The following COL24A1 variants were observed in gnomAD, a reference collection of about 807,000 sequenced individuals.
COL24A1 encodes the protein collagen alpha-1(XXIV) chain.
Under a neutral mutation model 253.9 loss-of-function variants are expected in COL24A1, and 224 were observed. The ratio of observed to expected loss-of-function variants is 0.88; its 90% CI spans 0.79 to 0.99. The LOEUF (loss-of-function observed/expected upper bound fraction) is 0.99, where lower values mean the gene tolerates loss of function less well. Among genes scored for constraint, COL24A1 ranks in the 50% least tolerant of loss-of-function variants. COL24A1 has a pLI of 0.00. For synonymous variants in COL24A1, 685 were observed against 673.7 expected, an observed-to-expected ratio of 1.02 and a Z score of -0.26; for missense variants, 2,131 against 2,068.5, an observed-to-expected ratio of 1.03 and a Z score of -0.59.
chr1:85,774,842 C>G (rs1668360963), intron 53 of COL24A1, among the ~76,000 whole-genome samples: 5 of 151,972 alleles, frequency 3.3e-5, no homozygotes, highest in Admixed American at 3.3e-4. Flanking sequence ...TCATTGATTT[C>G]TTGAAGGGTT....
chr1:85,836,729 G>T (rs1676044900), intron 43 of COL24A1, among the ~76,000 whole-genome samples: 1 of 152,128 alleles, frequency 6.6e-6, no homozygotes, highest in East Asian at 1.9e-4. Flanking sequence ...AAGGACTTAG[G>T]AAGAAATAAG....
At chr1:85,882,785 T>C (rs1039428987) in intron 32 of COL24A1, among the ~76,000 whole-genome samples, 1 of 152,190 alleles carries the variant, frequency 6.6e-6, no homozygotes, top group Non-Finnish European at 1.5e-5. Context: ...ATTTTGATGC[T>C]CCGTCGTCAG....
At chr1:86,030,627 A>C (rs1698481250) in intron 14 of COL24A1, 1 of 152,274 alleles carries the variant, frequency 6.6e-6, no homozygotes, top group South Asian at 2.1e-4. Context: ...GTGAAAAGGG[A>C]CAAATGAAGA....
At chr1:86,001,041 T>C (rs1173817915) in intron 19 of COL24A1, among the ~76,000 whole-genome samples, 3 of 152,154 alleles carry the variant, frequency 2.0e-5, no homozygotes, top group Non-Finnish European at 4.4e-5. Context: ...AAAACCAGTA[T>C]GGAAAAAATA....
chr1:85,967,789 T>C (rs1289680444), intron 22 of COL24A1, among the ~76,000 whole-genome samples: 2 of 152,180 alleles, frequency 1.3e-5, no homozygotes, highest in Non-Finnish European at 2.9e-5. Context: ...TATGAGAATC[T>C]AATGCTGCTG....
At chr1:85,737,830 T>C (rs1210003579) in intron 57 of COL24A1, among the ~76,000 whole-genome samples, 5 of 137,226 alleles carry the variant, frequency 3.6e-5, no homozygotes, top group Non-Finnish European at 6.6e-5. Context: ...TCCCAAAGTG[T>C]TGGGATTACA....
At chr1:85,796,381 C>T (rs900984160) in intron 47 of COL24A1, among the ~76,000 whole-genome samples, 1 of 152,108 alleles carries the variant, frequency 6.6e-6, no homozygotes, top group Admixed American at 6.5e-5. Context: ...TATGAAATCT[C>T]CTTTACCCAG....
intron 45 of COL24A1, among the ~76,000 whole-genome samples, chr1:85,820,979 T>G (rs1673570289): frequency 6.6e-6 from 1 of 152,246 alleles, no homozygotes; most frequent in African/African-American, 2.4e-5. Flanking sequence ...TCACTAGTTC[T>G]AACACTCTTT....
chr1:86,147,279 C>G (rs1371803692), intron 1 of COL24A1, among the ~76,000 whole-genome samples: 1 of 152,100 alleles, frequency 6.6e-6, no homozygotes, highest in African/African-American at 2.4e-5. Context: ...CTTAAGCCAG[C>G]AAATATATAA....
intron 5 of COL24A1, among the ~76,000 whole-genome samples, chr1:86,105,710 T>C (rs925480874): frequency 5.9e-5 from 9 of 152,096 alleles, no homozygotes; most frequent in African/African-American, 2.2e-4. Flanking sequence ...ACTGGCTGAG[T>C]GCTGCTCCTA....
Position 85,816,895 on chromosome 1 carries a change from C to T in COL24A1, c.3844G>A (p.Gly1282Arg). 1 of 1,606,290 alleles carries T rather than the reference C, an allele frequency of 6.2e-7. No homozygotes were observed. Among genetic ancestry groups the T allele is most frequent in the South Asian group, 1.1e-5 (1 of 90,732 alleles). ...TTTGGCCCAAGTAGGCCTTGAAGTC[C>T]CTTGATAATTAAAAATTATTTGGAT... is the stretch of plus-strand genomic sequence containing the variant. ...PGPSGKPGIP[G>R]LQGLLGPKGI... Residue 1282 changes from glycine to arginine, a missense_variant and splice_region_variant, in exon 47 of 60, where the codon GGA becomes AGA. By Grantham distance (125) the Gly-to-Arg change is moderately radical. Transcript: ENST00000370571.
At chr1:85,941,537 C>T (rs6673508) in intron 24 of COL24A1, among the ~76,000 whole-genome samples, 67,268 of 151,908 alleles carry the variant, frequency 0.44, 15,925 homozygotes, top group East Asian at 0.75. Flanking sequence ...TAAAACTCTA[C>T]GATTTTAACA....
rs191975452 is a variant in COL24A1, at chr1:86,119,456, G to T, written c.1492-4078C>A. On this transcript the variant is annotated intron_variant, in intron 3 of 59. Coordinates refer to ENST00000370571, the MANE Select transcript of COL24A1 (RefSeq NM_152890.7). ...GAGTAGAAAAGGTGGAGCTGAAGAA[G>T]AACATACCTTTTTTATGTTCTACAA... Among the ~76,000 whole-genome samples the T allele has an allele frequency of 3.3e-5, 5 of 152,248 alleles. No homozygotes were observed. In the East Asian group the frequency reaches 7.7e-4, roughly 24 times the overall value.
chr1:85,813,238 T>C (rs1321395973), intron 47 of COL24A1, among the ~76,000 whole-genome samples: 1 of 151,960 alleles, frequency 6.6e-6, no homozygotes, highest in Admixed American at 6.6e-5. Flanking sequence ...AGAATATACA[T>C]TAAAACATAT....
At chr1:85,836,995 A>T (rs1354984047) in intron 43 of COL24A1, among the ~76,000 whole-genome samples, 1 of 152,234 alleles carries the variant, frequency 6.6e-6, no homozygotes, top group Admixed American at 6.5e-5. Context: ...AATGTTCTGT[A>T]GCTGGTAGAG....
intron 47 of COL24A1, among the ~76,000 whole-genome samples, chr1:85,808,237 AG>A (rs1464768416): frequency 6.6e-6 from 1 of 152,228 alleles, no homozygotes; most frequent in Non-Finnish European, 1.5e-5. Flanking sequence ...TGAAAGATAC[AG>A]GGGTAGTGAT....
chr1:85,896,553 T>C, intron 28 of COL24A1, 144 bp from the exon 29 acceptor site: 2 of 656,050 alleles, frequency 3.0e-6, no homozygotes, highest in South Asian at 1.9e-5. Context: ...TGGAGTGCAG[T>C]GGCGCGTCTC....
At chr1:85,876,660 G>A (rs1558496048) in intron 33 of COL24A1, among the ~76,000 whole-genome samples, 1 of 152,124 alleles carries the variant, frequency 6.6e-6, no homozygotes. Context: ...AGTGACAACA[G>A]GAGAGAGCAG....
intron 20 of COL24A1, among the ~76,000 whole-genome samples, chr1:85,982,204 T>C (rs1248406572): frequency 6.6e-6 from 1 of 152,038 alleles, no homozygotes; most frequent in East Asian, 1.9e-4. Context: ...CTATAGGCGG[T>C]ATGTAAAGTA....
Sources: gnomAD v4.1 joint callset for allele counts (sites outside exome capture counted in the v4.1 genomes callset) on GRCh38, gnomAD v4.1.1 for gene constraint, MANE v1.5 for transcripts, NCBI Gene and HGNC (gene_info 2026-07-23, HGNC 2026-07-21) for gene names.